The following METTL22 variants were observed in gnomAD, a reference collection of about 807,000 sequenced individuals.
METTL22 encodes methyltransferase-like protein 22.
In METTL22, 51 loss-of-function variants were observed where a neutral mutation model predicts 48.4. The ratio of observed to expected loss-of-function variants is 1.05; its 90% CI spans 0.84 to 1.33. METTL22 has a LOEUF of 1.33. Ranked by LOEUF, METTL22 falls within the 40% of genes most tolerant of loss-of-function variation. The pLI, the probability that METTL22 is intolerant of heterozygous loss-of-function variation, is 0.00. For missense variants in METTL22, 678 were observed against 526.9 expected (o/e 1.29, Z -2.81); for synonymous variants, 255 against 214.1 (o/e 1.19, Z -1.67).
chr16:8,662,591 C>CTGG, the METTL22 span, among the ~76,000 whole-genome samples: 61 of 144,490 alleles, frequency 4.2e-4, 11 homozygotes, highest in African/African-American at 1.5e-3. Flanking sequence ...GATGCATGGA[C>CTGG]TGGTGGTGGA....
At chr16:8,645,996 G>A (rs1165611849) in intron 10 of METTL22, 112 bp from the exon 11 acceptor site, 19 of 1,526,718 alleles carry the variant, frequency 1.2e-5, no homozygotes, top group Non-Finnish European at 1.6e-5. Context: ...CGCCTGCTCC[G>A]TGGCTGACGT....
the METTL22 span, among the ~76,000 whole-genome samples, chr16:8,660,736 C>T: frequency 1.4e-5 from 2 of 142,652 alleles, no homozygotes; most frequent in African/African-American, 5.3e-5. Context: ...TGAGGGCGGT[C>T]GCTGCTTCAG....
chr16:8,658,356 C>A, the METTL22 span, among the ~76,000 whole-genome samples: 2 of 152,204 alleles, frequency 1.3e-5, no homozygotes, highest in East Asian at 3.8e-4. Flanking sequence ...GTTTTAATCC[C>A]CCAGTTTGTG....
chr16:8,651,776 C>T (rs908874459), downstream of METTL22, among the ~76,000 whole-genome samples: 3 of 152,268 alleles, frequency 2.0e-5, no homozygotes, highest in Admixed American at 6.5e-5. Context: ...AGAGAAAAGT[C>T]ATGCTTTTGT....
intron 9 of METTL22, chr16:8,644,304 A>G: frequency 3.3e-6 from 1 of 305,196 alleles, no homozygotes; most frequent in Non-Finnish European, 6.1e-6. Flanking sequence ...CAGCAGTGTC[A>G]TTGTGGGCAC....
intron 5 of METTL22, among the ~76,000 whole-genome samples, chr16:8,637,298 G>A (rs776074325): frequency 1.3e-5 from 2 of 152,142 alleles, no homozygotes; most frequent in South Asian, 2.1e-4. Flanking sequence ...GTGCAGCCAC[G>A]CTATTGGCTG....
chr16:8,634,112 G>T (rs1210794479), intron 3 of METTL22, among the ~76,000 whole-genome samples: 2 of 152,206 alleles, frequency 1.3e-5, no homozygotes, highest in Non-Finnish European at 1.5e-5. Context: ...CAAGATGCTG[G>T]TGGACAACCC....
chr16:8,625,400 G>T, intron 1 of METTL22, 96 bp from the exon 2 acceptor site: 1 of 268,870 alleles, frequency 3.7e-6, no homozygotes, highest in Non-Finnish European at 6.9e-6. Context: ...TAAATAAAAG[G>T]TTACTATGAA....
intron 10 of METTL22, 198 bp downstream of exon 10, chr16:8,644,923 C>G (rs1284315582): frequency 3.9e-6 from 2 of 518,610 alleles, no homozygotes; most frequent in Non-Finnish European, 6.5e-6. Context: ...GCCACCATGT[C>G]TGGAGACGGG....
At chr16:8,630,071 A>G (rs2056203411) in intron 3 of METTL22, among the ~76,000 whole-genome samples, 1 of 152,138 alleles carries the variant, frequency 6.6e-6, no homozygotes, top group African/African-American at 2.4e-5. Flanking sequence ...ATTGAGATCC[A>G]GGGTCCCCGA....
chr16:8,655,840 T>A, the METTL22 span, among the ~76,000 whole-genome samples: 142 of 152,326 alleles, frequency 9.3e-4, 1 homozygote, highest in African/African-American at 3.3e-3. Context: ...CACCTAAATG[T>A]GCAAACTAAG....
At chr16:8,633,240 C>T (rs1232736807) in intron 3 of METTL22, among the ~76,000 whole-genome samples, 1 of 152,064 alleles carries the variant, frequency 6.6e-6, no homozygotes, top group Non-Finnish European at 1.5e-5. Flanking sequence ...AGGCTCTGCC[C>T]CAGGCTTTTT....
chr16:8,646,844 G>T lies in METTL22; in HGVS notation c.*701G>T, dbSNP rs564708786. 5.4e-6 allele frequency: 2 copies of T among 372,824 alleles called. No homozygotes were observed. The highest frequency in any genetic ancestry group is 4.2e-5 in the African/African-American group (2 of 47,346). 23.1% of individuals were successfully genotyped at this position (372,824 alleles called of 1,614,324 possible). A position where few individuals can be genotyped will look rare whatever the true frequency, so the allele number is the denominator to read the frequency against. On this transcript the variant is annotated 3_prime_UTR_variant, in exon 11 of 11. Coordinates refer to ENST00000381920, the MANE Select transcript of METTL22 (RefSeq NM_024109.4). The stretch of plus-strand genomic sequence containing the variant: ...GGACTCATTTTCCCTCCGCCCCTTG[G>T]TCTCTCTGTCTTATCACGTGTGTAC...
At position 8,648,442 on chromosome 16, in the gene METTL22, A is replaced by C. The variant is rs1365152837; in HGVS notation, c.*2299A>C. On this transcript the variant is annotated 3_prime_UTR_variant, in exon 11 of 11. Coordinates refer to ENST00000381920, the MANE Select transcript of METTL22 (RefSeq NM_024109.4). The stretch of plus-strand genomic sequence containing the variant: ...CAGGAGTTCAAGACCAGCCTGGCCA[A>C]CATGGTGAAACCCTGCCTCTACTAA... 6.6e-6 allele frequency: 1 copy of C among 152,252 alleles called. No homozygotes were observed. Among genetic ancestry groups the C allele is most frequent in the African/African-American group, 2.4e-5 (1 of 41,430 alleles). The allele number at this position is 152,252 out of a possible 1,614,324, so 9.4% of individuals were successfully genotyped here.
rs113770059 is a variant in METTL22, at chr16:8,630,310, G to C, written c.514+1200G>C. ...CAGAACCCAGTTCCATGTATCCCAT[G>C]GGTGACCTCTGCCCTCATGGCCTCT... On this transcript the variant is annotated intron_variant, in intron 3 of 10. Transcript: ENST00000381920. Among the ~76,000 whole-genome samples the C allele has an allele frequency of 1.2e-4, 18 of 152,312 alleles. 1 individual carries two copies. Among genetic ancestry groups the C allele is most frequent in the African/African-American group, 4.3e-4 (18 of 41,564 alleles).
chr16:8,666,495 T>G, the METTL22 span, among the ~76,000 whole-genome samples: 1 of 152,240 alleles, frequency 6.6e-6, no homozygotes, highest in Non-Finnish European at 1.5e-5. Context: ...TTTATGGTCA[T>G]AGCTAATATT....
intron 9 of METTL22, chr16:8,642,881 G>T (rs1731006): frequency 0.99 from 361,899 of 364,214 alleles, 179,845 homozygotes; most frequent in East Asian, 1. Flanking sequence ...GAACCTCAAC[G>T]CTTGGCCAGC....
At position 8,626,461 on chromosome 16, in the gene METTL22, T is replaced by C. The variant is rs1162928335; in HGVS notation, c.133+663T>C. Among the ~76,000 whole-genome samples, 6 of 150,218 alleles carry C rather than the reference T, an allele frequency of 4.0e-5. 1 individual carries two copies. The East Asian group carries it at 1.2e-3, about 29-fold the overall frequency. ...GTCCTCTGCTCTTTTTTTTTTTTTTTTTTTTGAGACGGAAGCTCGCTCTGT... is the reference window on the plus strand; with the variant it reads ...GTCCTCTGCTCTTTTTTTTTTTTTTCTTTTTGAGACGGAAGCTCGCTCTGT... On this transcript the variant is annotated intron_variant, in intron 2 of 10. Transcript: ENST00000381920.
chr16:8,630,007 G>T (rs562032501), intron 3 of METTL22, among the ~76,000 whole-genome samples: 1 of 98,718 alleles, frequency 1.0e-5, no homozygotes, highest in Non-Finnish European at 2.1e-5. Context: ...CCAGGGCTTT[G>T]CCTCCCCCTG....
Sources: gnomAD v4.1 joint callset for allele counts (sites outside exome capture counted in the v4.1 genomes callset) on GRCh38, gnomAD v4.1.1 for gene constraint, MANE v1.5 for transcripts, NCBI Gene and HGNC (gene_info 2026-07-23, HGNC 2026-07-21) for gene names.